PDE8A: variants seen among roughly 807,000 people sequenced by gnomAD.
PDE8A encodes the protein high affinity cAMP-specific and IBMX-insensitive 3',5'-cyclic phosphodiesterase 8A.
PDE8A carries 59 observed loss-of-function variants against 105.0 expected under a neutral mutation model. The observed-to-expected ratio is 0.56, with a 90% CI of 0.46 to 0.70. The LOEUF (loss-of-function observed/expected upper bound fraction) is 0.70. Among genes scored for constraint, PDE8A ranks in the 30% least tolerant of loss-of-function variants. The probability of loss-of-function intolerance (pLI) is 0.00; values close to 1 mark genes in which losing one functional copy is unlikely to be tolerated. For synonymous variants in PDE8A, 355 were observed against 371.9 expected, an observed-to-expected ratio of 0.95 and a Z score of 0.52; for missense variants, 1,014 against 1,045.9, an observed-to-expected ratio of 0.97 and a Z score of 0.42.
chr15:85,106,676 G>T (rs892060419), intron 11 of PDE8A, among the ~76,000 whole-genome samples: 1 of 152,176 alleles, frequency 6.6e-6, no homozygotes. Flanking sequence ...GAAGGAGCCG[G>T]TGTCAAGGCT....
chr15:85,022,275 G>C (rs940245945), intron 1 of PDE8A, among the ~76,000 whole-genome samples: 83 of 152,232 alleles, frequency 5.5e-4, no homozygotes, highest in African/African-American at 1.9e-3. Flanking sequence ...CAAAGACATG[G>C]GTGCTTCACA....
intron 6 of PDE8A, among the ~76,000 whole-genome samples, chr15:85,084,808 T>C (rs935480248): frequency 1.3e-5 from 2 of 152,304 alleles, no homozygotes; most frequent in African/African-American, 2.4e-5. Flanking sequence ...AACCTTTTCC[T>C]CCTGTGTACC....
intron 6 of PDE8A, among the ~76,000 whole-genome samples, chr15:85,085,117 C>T (rs1323314729): frequency 6.6e-6 from 1 of 152,154 alleles, no homozygotes; most frequent in African/African-American, 2.4e-5. Context: ...CCACTGCGTT[C>T]AAGATGAAGT....
At chr15:85,082,936 ATACT>A (rs2081490474) in intron 5 of PDE8A, among the ~76,000 whole-genome samples, 1 of 152,228 alleles carries the variant, frequency 6.6e-6, no homozygotes. Context: ...GTTATACAAA[ATACT>A]TAATGTCCAC....
chr15:85,026,844 A>C (rs532550170), intron 1 of PDE8A, among the ~76,000 whole-genome samples: 1 of 152,210 alleles, frequency 6.6e-6, no homozygotes, highest in Non-Finnish European at 1.5e-5. Flanking sequence ...AGAGTGCCTC[A>C]TGTAGTCAAA....
At chr15:85,086,019 TAA>T (rs543939248) in intron 6 of PDE8A, among the ~76,000 whole-genome samples, 45 of 104,344 alleles carry the variant, frequency 4.3e-4, no homozygotes, top group Admixed American at 8.1e-4. Flanking sequence ...TCTCAAAAAG[TAA>T]AAAAAAAAAA....
At chr15:84,986,030 G>A (rs1337447907) in intron 1 of PDE8A, among the ~76,000 whole-genome samples, 3 of 152,084 alleles carry the variant, frequency 2.0e-5, no homozygotes, top group Non-Finnish European at 4.4e-5. Flanking sequence ...TTTGAGACCA[G>A]CCTGGACAAC....
chr15:85,126,702 A>G (rs2082264323), intron 20 of PDE8A, among the ~76,000 whole-genome samples: 1 of 152,120 alleles, frequency 6.6e-6, no homozygotes, highest in South Asian at 2.1e-4. Context: ...ATTAGGAAAT[A>G]TACTGGCTAA....
At chr15:85,132,020 C>CT (rs2082336922) in intron 20 of PDE8A, among the ~76,000 whole-genome samples, 1 of 152,162 alleles carries the variant, frequency 6.6e-6, no homozygotes, top group African/African-American at 2.4e-5. Context: ...GATCCTCTGT[C>CT]TTTTGACTGT....
intron 1 of PDE8A, among the ~76,000 whole-genome samples, chr15:85,040,735 A>G (rs550739501): frequency 2.4e-4 from 37 of 151,678 alleles, no homozygotes; most frequent in Middle Eastern, 6.8e-3. Flanking sequence ...TAATGTTTCT[A>G]TTTTTAGTAG....
At chr15:85,081,716 T>TC in intron 5 of PDE8A, among the ~76,000 whole-genome samples, 1 of 152,130 alleles carries the variant, frequency 6.6e-6, no homozygotes, top group Non-Finnish European at 1.5e-5. Flanking sequence ...GATGAGATGT[T>TC]TAGATAAAGA....
chr15:84,983,157 A>G (rs2079747507), intron 1 of PDE8A, among the ~76,000 whole-genome samples: 1 of 152,202 alleles, frequency 6.6e-6, no homozygotes, highest in African/African-American at 2.4e-5. Flanking sequence ...GTTAAAAAGG[A>G]AAAAGAAAAA....
intron 5 of PDE8A, among the ~76,000 whole-genome samples, chr15:85,078,583 A>C (rs765823626): frequency 5.5e-4 from 83 of 151,868 alleles, no homozygotes; most frequent in Non-Finnish European, 1.0e-3. Context: ...AAGAAAAGAA[A>C]AGAACTTCCT....
At chr15:85,024,067 G>A (rs1158693888) in intron 1 of PDE8A, among the ~76,000 whole-genome samples, 1 of 152,000 alleles carries the variant, frequency 6.6e-6, no homozygotes, top group Non-Finnish European at 1.5e-5. Flanking sequence ...TCTTCCTGTA[G>A]CTCCCTTGCC....
intron 20 of PDE8A, among the ~76,000 whole-genome samples, chr15:85,131,842 G>A (rs1195592392): frequency 6.6e-6 from 1 of 151,788 alleles, no homozygotes; most frequent in African/African-American, 2.4e-5. Context: ...CCTCTTTTTT[G>A]CAGGACAGTT....
At chr15:85,018,440 G>A (rs963500717) in intron 1 of PDE8A, among the ~76,000 whole-genome samples, 8 of 152,150 alleles carry the variant, frequency 5.3e-5, no homozygotes, top group Non-Finnish European at 1.0e-4. Context: ...GTTGGTCCAC[G>A]GGCCACACTT....
At position 85,038,216 on chromosome 15, in the gene PDE8A, G is replaced by GT. The variant is rs1567242206; in HGVS notation, c.187-26154_187-26153insT. 5.7e-3 allele frequency among the ~76,000 whole-genome samples: 276 copies of GT among 48,320 alleles called. 1 individual carries two copies. Among genetic ancestry groups the GT allele is most frequent in the African/African-American group, 0.023 (225 of 9,882 alleles). The allele number at this position is 48,320 out of a possible 152,430, so 31.7% of individuals were successfully genotyped here. A position where few individuals can be genotyped will look rare whatever the true frequency, so the allele number is the denominator to read the frequency against. On this transcript the variant is annotated intron_variant, in intron 1 of 21. Coordinates refer to ENST00000394553, the MANE Select transcript of PDE8A (RefSeq NM_002605.3). Reference sequence around the variant, plus strand: ...TCTGCAAGGCTCTCTCCAATTGGGGGGTGTGTGTGTGTGTGTGTGTGTGTG... The same window carrying GT: ...TCTGCAAGGCTCTCTCCAATTGGGGGTGTGTGTGTGTGTGTGTGTGTGTGTG...
chr15:85,126,791 T>C (rs2082265642), intron 20 of PDE8A, among the ~76,000 whole-genome samples: 2 of 152,136 alleles, frequency 1.3e-5, no homozygotes, highest in Admixed American at 1.3e-4. Context: ...CCTTAGCCCA[T>C]GTCAGATGTG....
intron 1 of PDE8A, among the ~76,000 whole-genome samples, chr15:85,023,612 A>T (rs202089939): frequency 6.4e-5 from 1 of 15,596 alleles, no homozygotes; most frequent in Admixed American, 6.7e-4. Context: ...CAAGATTGCT[A>T]GCAGCATAGG....
Sources: allele counts gnomAD v4.1 joint callset (sites outside exome capture counted in the v4.1 genomes callset), GRCh38; gene constraint gnomAD v4.1.1; transcripts MANE v1.5; gene names NCBI Gene and HGNC (gene_info 2026-07-23, HGNC 2026-07-21).